CADM2: variants seen among roughly 807,000 people sequenced by gnomAD.
CADM2 encodes the protein immunoglobulin superfamily member 4D.
Under a neutral mutation model 49.8 loss-of-function variants are expected in CADM2, and 12 were observed. That is an observed-to-expected ratio of 0.24 (90% CI 0.15 to 0.39). The LOEUF (loss-of-function observed/expected upper bound fraction) is 0.39. CADM2 is among the 10% of genes least tolerant of loss of function. The pLI is 1.00. For synonymous variants in CADM2, 214 were observed against 175.4 expected, an observed-to-expected ratio of 1.22 and a Z score of -1.74; for missense variants, 378 against 492.3, an observed-to-expected ratio of 0.77 and a Z score of 2.20.
intron 1 of CADM2, among the ~76,000 whole-genome samples, chr3:85,002,663 G>A (rs1396833500): frequency 1.3e-5 from 2 of 152,174 alleles, no homozygotes; most frequent in Non-Finnish European, 2.9e-5. Context: ...AAAGTTGAAA[G>A]TGTCATTATC....
At chr3:85,771,248 C>A (rs954798343) in intron 2 of CADM2, among the ~76,000 whole-genome samples, 3 of 152,114 alleles carry the variant, frequency 2.0e-5, no homozygotes, top group African/African-American at 7.2e-5. Context: ...AACAGGATTT[C>A]CTGAACTTCT....
intron 6 of CADM2, among the ~76,000 whole-genome samples, chr3:85,916,845 C>A (rs1718404384): frequency 6.6e-6 from 1 of 152,102 alleles, no homozygotes; most frequent in African/African-American, 2.4e-5. Context: ...TGTTTCCTGA[C>A]TTTTTAATGA....
intron 1 of CADM2, among the ~76,000 whole-genome samples, chr3:85,199,518 A>G (rs1048633499): frequency 6.6e-6 from 1 of 151,882 alleles, no homozygotes; most frequent in African/African-American, 2.4e-5. Context: ...AACCTTTAAA[A>G]GTAAATATAA....
intron 2 of CADM2, among the ~76,000 whole-genome samples, chr3:85,765,023 T>C (rs546501299): frequency 6.6e-6 from 1 of 152,148 alleles, no homozygotes; most frequent in Admixed American, 6.6e-5. Flanking sequence ...TTTAGGGAGG[T>C]AGGCTTTGGG....
intron 2 of CADM2, among the ~76,000 whole-genome samples, chr3:85,740,408 T>C (rs920493793): frequency 2.6e-5 from 4 of 152,178 alleles, no homozygotes; most frequent in South Asian, 2.1e-4. Flanking sequence ...TAATTTTCAA[T>C]ACTAATTCCA....
chr3:85,145,873 A>C (rs778750531), intron 1 of CADM2, among the ~76,000 whole-genome samples: 9 of 152,138 alleles, frequency 5.9e-5, no homozygotes, highest in Non-Finnish European at 1.2e-4. Context: ...TGATCCATTA[A>C]GTTTGATGTT....
chr3:86,031,347 T>G (rs1483218972), intron 8 of CADM2, among the ~76,000 whole-genome samples: 1 of 151,778 alleles, frequency 6.6e-6, no homozygotes, highest in African/African-American at 2.4e-5. Flanking sequence ...ATTATAAACA[T>G]TAAGATATGA....
intron 1 of CADM2, among the ~76,000 whole-genome samples, chr3:85,141,549 G>C (rs1480981628): frequency 2.6e-5 from 4 of 151,930 alleles, no homozygotes; most frequent in Non-Finnish European, 4.4e-5. Flanking sequence ...GATTCTCAAG[G>C]GTAAACCCTA....
At chr3:85,504,412 T>C (rs963807731) in intron 1 of CADM2, among the ~76,000 whole-genome samples, 4 of 152,184 alleles carry the variant, frequency 2.6e-5, no homozygotes, top group African/African-American at 9.6e-5. Context: ...GCTTCCACAC[T>C]GCGGAAGGGG....
At chr3:86,013,474 G>C (rs1167802761) in intron 8 of CADM2, 1 of 1,598,850 alleles carries the variant, frequency 6.3e-7, no homozygotes. Flanking sequence ...ATAAATTCTG[G>C]TGAAGAGGTT....
chr3:85,388,109 G>C (rs980402553), intron 1 of CADM2, among the ~76,000 whole-genome samples: 3 of 152,130 alleles, frequency 2.0e-5, no homozygotes, highest in African/African-American at 7.2e-5. Flanking sequence ...ACCTACTGCA[G>C]CCTCGACCTC....
chr3:85,374,805 A>C (rs1297449078), intron 1 of CADM2, among the ~76,000 whole-genome samples: 1 of 152,122 alleles, frequency 6.6e-6, no homozygotes, highest in African/African-American at 2.4e-5. Flanking sequence ...GCAGAACAGC[A>C]AGGGAAAAAC....
chr3:85,083,118 T>A (rs1391344980), intron 1 of CADM2, among the ~76,000 whole-genome samples: 1 of 152,190 alleles, frequency 6.6e-6, no homozygotes, highest in Non-Finnish European at 1.5e-5. Context: ...ACATAGTATA[T>A]GTGTATTATA....
chr3:85,306,023 G>A (rs948795437), intron 1 of CADM2, among the ~76,000 whole-genome samples: 1 of 151,606 alleles, frequency 6.6e-6, no homozygotes, highest in African/African-American at 2.4e-5. Flanking sequence ...CTCCAAAAAT[G>A]TAGGTCAAAA....
chr3:85,136,049 CGTT>C lies in CADM2; in HGVS notation c.61+176384_61+176386del, dbSNP rs1478295692. The stretch of plus-strand genomic sequence containing the variant: ...TTATTGTGAAAATGGTTTCAAGTAT[CGTT>C]GTCTGTACATTTGGATAACAGACTT... On this transcript the variant is annotated intron_variant, in intron 1 of 9. Transcript: ENST00000383699. 3.3e-5 allele frequency among the ~76,000 whole-genome samples: 5 copies of C among 151,946 alleles called. No homozygotes were observed. In the South Asian group the frequency reaches 6.2e-4, roughly 19 times the overall value.
At chr3:86,043,924 G>A (rs1736288073) in intron 8 of CADM2, among the ~76,000 whole-genome samples, 1 of 152,156 alleles carries the variant, frequency 6.6e-6, no homozygotes. Flanking sequence ...ACAACCATCT[G>A]ATCTTTGACA....
At chr3:85,927,896 A>C (rs570511761) in intron 6 of CADM2, among the ~76,000 whole-genome samples, 2 of 152,168 alleles carry the variant, frequency 1.3e-5, no homozygotes, top group Non-Finnish European at 2.9e-5. Context: ...TATCTACAAA[A>C]TCTGGTGATG....
rs1193602076 is a variant in CADM2 at position 85,427,177 on chromosome 3, TATATATATATATATATATATATA to T, written c.62-299344_62-299322del. Among the ~76,000 whole-genome samples the T allele has an allele frequency of 9.8e-4, 41 of 41,676 alleles. 1 individual carries two copies. Among genetic ancestry groups the T allele is most frequent in the African/African-American group, 1.4e-3 (38 of 26,432 alleles). 27.3% of individuals were successfully genotyped at this position (41,676 alleles called of 152,430 possible). A position where few individuals can be genotyped will look rare whatever the true frequency, so the allele number is the denominator to read the frequency against. On this transcript the variant is annotated intron_variant, in intron 1 of 9. Transcript: ENST00000383699. ...TATTGGAACTATATATATATATATA[TATATATATATATATATATATATA>T]TGTATAATAAGTTTGTAGCTACCAT...
At chr3:85,922,263 G>C (rs1206696213) in intron 6 of CADM2, among the ~76,000 whole-genome samples, 3 of 148,730 alleles carry the variant, frequency 2.0e-5, no homozygotes, top group Non-Finnish European at 4.5e-5. Context: ...TGGTCAATTT[G>C]TAATTATAAA....
Sources: allele counts gnomAD v4.1 joint callset (sites outside exome capture counted in the v4.1 genomes callset), GRCh38; gene constraint gnomAD v4.1.1; transcripts MANE v1.5; gene names NCBI Gene and HGNC (gene_info 2026-07-23, HGNC 2026-07-21).